Variants in GALNT17 observed in about 807,000 individuals in gnomAD.
GALNT17 encodes the protein polypeptide N-acetylgalactosaminyltransferase 17.
Under a neutral mutation model 63.7 loss-of-function variants are expected in GALNT17, and 29 were observed. The observed-to-expected ratio is 0.46, with a 90% CI of 0.34 to 0.62. The LOEUF is 0.62. Among genes scored for constraint, GALNT17 ranks in the 20% least tolerant of loss-of-function variants. The probability of loss-of-function intolerance (pLI) is 0.01; values close to 1 mark genes in which losing one functional copy is unlikely to be tolerated. For missense variants in GALNT17, 603 were observed against 799.6 expected (o/e 0.75, Z 2.97); for synonymous variants, 305 against 318.3 (o/e 0.96, Z 0.45).
At chr7:71,446,635 G>C (rs1787164759) in intron 5 of GALNT17, among the ~76,000 whole-genome samples, 1 of 152,142 alleles carries the variant, frequency 6.6e-6, no homozygotes, top group African/African-American at 2.4e-5. Flanking sequence ...TGCAACCTCT[G>C]CCTCCTGGGT....
chr7:71,411,932 C>T (rs979245614), intron 3 of GALNT17, among the ~76,000 whole-genome samples: 5 of 152,200 alleles, frequency 3.3e-5, no homozygotes, highest in African/African-American at 7.2e-5. Context: ...TCCAGAAACT[C>T]TGCCAAACAC....
chr7:71,457,663 G>A (rs781663719), intron 5 of GALNT17, among the ~76,000 whole-genome samples: 19 of 152,156 alleles, frequency 1.2e-4, no homozygotes, highest in Non-Finnish European at 2.8e-4. Context: ...AACTGCAGTG[G>A]TGCTGGTGGG....
intron 1 of GALNT17, among the ~76,000 whole-genome samples, chr7:71,141,587 G>A (rs1333209887): frequency 2.0e-5 from 3 of 152,002 alleles, no homozygotes; most frequent in Non-Finnish European, 4.4e-5. Flanking sequence ...GAAGGGCCAT[G>A]AGTGCTGTTT....
At chr7:71,323,425 T>C (rs1328327016) in intron 1 of GALNT17, among the ~76,000 whole-genome samples, 1 of 152,166 alleles carries the variant, frequency 6.6e-6, no homozygotes, top group Non-Finnish European at 1.5e-5. Flanking sequence ...GTACTAATTG[T>C]CCTAATACTT....
intron 6 of GALNT17, among the ~76,000 whole-genome samples, chr7:71,641,710 G>A (rs1649074250): frequency 6.6e-6 from 1 of 151,902 alleles, no homozygotes; most frequent in Admixed American, 6.6e-5. Context: ...GAATTTTGGG[G>A]AGACATGGAC....
At chr7:71,410,634 G>GGTACCGATAGT (rs1262994045) in intron 3 of GALNT17, among the ~76,000 whole-genome samples, 1 of 152,198 alleles carries the variant, frequency 6.6e-6, no homozygotes, top group African/African-American at 2.4e-5. Context: ...GCCCAGGGAT[G>GGTACCGATAGT]GTACCGATAG....
chr7:71,398,540 A>G (rs1793181394), intron 3 of GALNT17, among the ~76,000 whole-genome samples: 7 of 152,074 alleles, frequency 4.6e-5, no homozygotes, highest in Admixed American at 4.6e-4. Context: ...TTCTCCCTGC[A>G]TAGTCTGTTT....
In GALNT17 at chr7:71,707,957, T is replaced by C. The variant is rs904254758; in HGVS notation, c.1501-2804T>C. Among the ~76,000 whole-genome samples, 23 of 152,198 alleles carry C rather than the reference T, an allele frequency of 1.5e-4. No individual in the cohort carries two copies. The South Asian group carries it at 1.7e-3, about 11-fold the overall frequency. On this transcript the variant is annotated intron_variant, in intron 9 of 10. Transcript: ENST00000333538. Reference sequence around the variant, plus strand: ...CTTCAAAGCCATCTTGCCATGGGTGTATAGAAGGAATAGCGGAGGATGTGG... The same window carrying C: ...CTTCAAAGCCATCTTGCCATGGGTGCATAGAAGGAATAGCGGAGGATGTGG...
At chr7:71,486,104 G>A (rs867500755) in intron 5 of GALNT17, among the ~76,000 whole-genome samples, 5 of 152,002 alleles carry the variant, frequency 3.3e-5, no homozygotes, top group South Asian at 2.1e-4. Context: ...GGGGCAGGGC[G>A]GATTACTTGA....
At chr7:71,595,202 G>T (rs989942260) in intron 6 of GALNT17, among the ~76,000 whole-genome samples, 1 of 152,108 alleles carries the variant, frequency 6.6e-6, no homozygotes, top group African/African-American at 2.4e-5. Flanking sequence ...CCTGAGAATC[G>T]CTAGAGGTTA....
At chr7:71,399,235 C>A (rs189989944) in intron 3 of GALNT17, among the ~76,000 whole-genome samples, 1 of 152,072 alleles carries the variant, frequency 6.6e-6, no homozygotes, top group Non-Finnish European at 1.5e-5. Context: ...TTCCATCCCC[C>A]CTGCCCTCCT....
At chr7:71,305,579 C>A (rs929924900) in intron 1 of GALNT17, among the ~76,000 whole-genome samples, 15 of 152,238 alleles carry the variant, frequency 9.9e-5, no homozygotes, top group African/African-American at 3.6e-4. Context: ...TCTGTAAGCC[C>A]CTTCTCCTCC....
intron 6 of GALNT17, among the ~76,000 whole-genome samples, chr7:71,663,701 A>G (rs1298916806): frequency 6.6e-6 from 1 of 152,334 alleles, no homozygotes; most frequent in East Asian, 1.9e-4. Context: ...AAGTTGGGAA[A>G]TAGAAACAGA....
intron 1 of GALNT17, among the ~76,000 whole-genome samples, chr7:71,155,994 C>G (rs539067202): frequency 4.0e-5 from 6 of 151,754 alleles, no homozygotes; most frequent in Non-Finnish European, 8.8e-5. Flanking sequence ...GTTGGGAGTT[C>G]AAGACCAGCT....
intron 1 of GALNT17, among the ~76,000 whole-genome samples, chr7:71,326,343 A>G (rs982090705): frequency 2.0e-5 from 3 of 152,102 alleles, no homozygotes; most frequent in African/African-American, 7.2e-5. Context: ...CTGTATTCCT[A>G]GCTTCGCAGG....
At chr7:71,606,410 AACTCTTGGAG>A (rs1298986106) in intron 6 of GALNT17, among the ~76,000 whole-genome samples, 2 of 152,170 alleles carry the variant, frequency 1.3e-5, no homozygotes, top group Non-Finnish European at 2.9e-5. Flanking sequence ...GAGGCTCTAT[AACTCTTGGAG>A]TGACACCTTT....
intron 5 of GALNT17, among the ~76,000 whole-genome samples, chr7:71,500,968 GTTTA>G (rs1041093233): frequency 6.6e-6 from 1 of 151,912 alleles, no homozygotes; most frequent in Non-Finnish European, 1.5e-5. Context: ...TGTCTTTTTA[GTTTA>G]TTTATTTATT....
intron 6 of GALNT17, among the ~76,000 whole-genome samples, chr7:71,659,633 A>T (rs114734880): frequency 6.6e-6 from 1 of 152,240 alleles, no homozygotes; most frequent in African/African-American, 2.4e-5. Context: ...TCACTTCTGC[A>T]TTCTGTTAAT....
intron 7 of GALNT17, among the ~76,000 whole-genome samples, chr7:71,667,423 C>T (rs1342966993): frequency 1.3e-5 from 2 of 152,072 alleles, no homozygotes; most frequent in Admixed American, 1.3e-4. Context: ...TCCCAGGTAC[C>T]TAGTAAGTCG....
Sources: allele counts gnomAD v4.1 joint callset (sites outside exome capture counted in the v4.1 genomes callset), GRCh38; gene constraint gnomAD v4.1.1; transcripts MANE v1.5; gene names NCBI Gene and HGNC (gene_info 2026-07-23, HGNC 2026-07-21).